ATXN1: variants seen among roughly 807,000 people sequenced by gnomAD.
The protein encoded by ATXN1 is ataxin-1.
Under a neutral mutation model 56.4 loss-of-function variants are expected in ATXN1, and 8 were observed. The ratio of observed to expected loss-of-function variants is 0.14; its 90% CI spans 0.08 to 0.26. The LOEUF (loss-of-function observed/expected upper bound fraction) is 0.26. ATXN1 is among the 10% of genes least tolerant of loss of function. The probability of loss-of-function intolerance (pLI) is 1.00; values close to 1 mark genes in which losing one functional copy is unlikely to be tolerated. For missense variants in ATXN1, 987 were observed against 1,106.5 expected (o/e 0.89, Z 1.53); for synonymous variants, 514 against 494.6 (o/e 1.04, Z -0.52).
At chr6:16,385,653 G>A (rs10949353) in intron 6 of ATXN1, among the ~76,000 whole-genome samples, 17,811 of 152,174 alleles carry the variant, frequency 0.12, 1,102 homozygotes, top group African/African-American at 0.14. Context: ...CTAACTTGAC[G>A]CTGAAAGTTC....
intron 6 of ATXN1, among the ~76,000 whole-genome samples, chr6:16,409,091 T>C (rs980677076): frequency 1.3e-5 from 2 of 152,242 alleles, no homozygotes; most frequent in Non-Finnish European, 2.9e-5. Context: ...TCATTTAACC[T>C]AATAGAAACA....
intron 2 of ATXN1, among the ~76,000 whole-genome samples, chr6:16,695,188 A>G (rs1224751138): frequency 1.3e-5 from 2 of 152,166 alleles, no homozygotes; most frequent in East Asian, 1.9e-4. Context: ...GGGTCCTGCC[A>G]TCACATACAC....
At chr6:16,492,429 A>G (rs1174535679) in intron 5 of ATXN1, among the ~76,000 whole-genome samples, 7 of 152,120 alleles carry the variant, frequency 4.6e-5, no homozygotes, top group African/African-American at 1.4e-4. Flanking sequence ...TATAATAATA[A>G]TAACATAAAA....
At chr6:16,380,384 T>C (rs1758073950) in intron 6 of ATXN1, among the ~76,000 whole-genome samples, 1 of 152,200 alleles carries the variant, frequency 6.6e-6, no homozygotes, top group South Asian at 2.1e-4. Flanking sequence ...GAAGCTTGGC[T>C]ATTTATTATC....
At chr6:16,613,116 T>G (rs940675652) in intron 3 of ATXN1, among the ~76,000 whole-genome samples, 2 of 148,580 alleles carry the variant, frequency 1.3e-5, no homozygotes, top group Non-Finnish European at 3.0e-5. Context: ...ATACAAAAAA[T>G]TAGCCGGGCG....
At chr6:16,372,188 G>C (rs1292471143) in intron 6 of ATXN1, among the ~76,000 whole-genome samples, 1 of 152,332 alleles carries the variant, frequency 6.6e-6, no homozygotes, top group Admixed American at 6.5e-5. Flanking sequence ...TAAATGCCAA[G>C]AAGGAGATTG....
intron 5 of ATXN1, among the ~76,000 whole-genome samples, chr6:16,494,809 C>T (rs968682474): frequency 3.3e-5 from 5 of 152,212 alleles, no homozygotes; most frequent in African/African-American, 1.2e-4. Flanking sequence ...TCATGTGCTC[C>T]TATTGACAAC....
At chr6:16,634,451 T>C (rs1763558467) in intron 3 of ATXN1, among the ~76,000 whole-genome samples, 1 of 135,336 alleles carries the variant, frequency 7.4e-6, no homozygotes. Flanking sequence ...TTAATTTACA[T>C]ATAACTCAAG....
chr6:16,680,074 T>C (rs1758782486), intron 2 of ATXN1, among the ~76,000 whole-genome samples: 1 of 152,236 alleles, frequency 6.6e-6, no homozygotes, highest in African/African-American at 2.4e-5. Context: ...TTATTTTTCT[T>C]TCCTAGTTTT....
chr6:16,462,864 T>C (rs976580824), intron 6 of ATXN1, among the ~76,000 whole-genome samples: 3 of 152,066 alleles, frequency 2.0e-5, no homozygotes, highest in Non-Finnish European at 4.4e-5. Flanking sequence ...AGATGGCTTG[T>C]CCGCTTCTCA....
At chr6:16,461,745 C>T (rs1333991015) in intron 6 of ATXN1, among the ~76,000 whole-genome samples, 2 of 152,232 alleles carry the variant, frequency 1.3e-5, no homozygotes, top group Non-Finnish European at 2.9e-5. Context: ...GCCACGGTAA[C>T]TCAGGGAATT....
intron 5 of ATXN1, among the ~76,000 whole-genome samples, chr6:16,502,380 TTG>T (rs1760901945): frequency 6.6e-6 from 1 of 152,200 alleles, no homozygotes; most frequent in Admixed American, 6.5e-5. Flanking sequence ...TGTGCAGAAA[TTG>T]TGTTCAAATT....
chr6:16,374,222 A>C (rs1327213107), intron 6 of ATXN1, among the ~76,000 whole-genome samples: 2 of 152,214 alleles, frequency 1.3e-5, no homozygotes. Context: ...CACATAAAAA[A>C]ATTAGGGAAC....
At chr6:16,563,668 T>A (rs975116794) in intron 4 of ATXN1, among the ~76,000 whole-genome samples, 2 of 151,958 alleles carry the variant, frequency 1.3e-5, no homozygotes, top group Non-Finnish European at 2.9e-5. Context: ...TTCAAGTTGA[T>A]ACACAGGTCC....
intron 3 of ATXN1, among the ~76,000 whole-genome samples, chr6:16,638,085 G>C (rs1763632435): frequency 6.6e-6 from 1 of 152,082 alleles, no homozygotes; most frequent in African/African-American, 2.4e-5. Context: ...CAGTCTGTGA[G>C]GTCTGCAGTT....
chr6:16,409,208 G>A lies in ATXN1; in HGVS notation c.-161+76764C>T, dbSNP rs192863996. ...TCTAAAACTTACTCAGTTTTGCCCCGATATTTATACATCAGCAGGAGATGG... is the reference window on the plus strand; with the variant it reads ...TCTAAAACTTACTCAGTTTTGCCCCAATATTTATACATCAGCAGGAGATGG... On this transcript the variant is annotated intron_variant, in intron 6 of 7. Coordinates refer to ENST00000436367, the MANE Select transcript of ATXN1 (RefSeq NM_001128164.2). Among the ~76,000 whole-genome samples, 480 of 151,226 alleles carry A rather than the reference G, an allele frequency of 3.2e-3. 2 individuals are homozygous for A. The highest frequency in any genetic ancestry group is 9.2e-3 in the African/African-American group (378 of 41,234).
intron 6 of ATXN1, among the ~76,000 whole-genome samples, chr6:16,441,326 C>T (rs1304593370): frequency 1.3e-5 from 2 of 151,980 alleles, no homozygotes; most frequent in Non-Finnish European, 2.9e-5. Context: ...AAAATATAGG[C>T]CTTATTTTAT....
intron 6 of ATXN1, among the ~76,000 whole-genome samples, chr6:16,453,984 T>TTTG (rs941938508): frequency 6.6e-6 from 1 of 151,632 alleles, no homozygotes. Flanking sequence ...CTACTAAAAC[T>TTTG]ACAAAAAAGG....
At chr6:16,622,761 T>G (rs950107163) in intron 3 of ATXN1, among the ~76,000 whole-genome samples, 28 of 152,228 alleles carry the variant, frequency 1.8e-4, no homozygotes, top group Non-Finnish European at 2.5e-4. Context: ...AAATTTCATA[T>G]GAGCATTTAA....
Sources: gnomAD v4.1 joint callset for allele counts (sites outside exome capture counted in the v4.1 genomes callset) on GRCh38, gnomAD v4.1.1 for gene constraint, MANE v1.5 for transcripts, NCBI Gene and HGNC (gene_info 2026-07-23, HGNC 2026-07-21) for gene names.